The following FRMD4B variants were observed in gnomAD, a reference collection of about 807,000 sequenced individuals.
FRMD4B encodes the protein FERM domain containing 4B, also known as FERM domain-containing protein 4B.
FRMD4B carries 74 observed loss-of-function variants against 141.5 expected under a neutral mutation model. That is an observed-to-expected ratio of 0.52 (90% confidence interval 0.43 to 0.63). FRMD4B has a LOEUF of 0.63. Among genes scored for constraint, FRMD4B ranks in the 30% least tolerant of loss-of-function variants. The probability of loss-of-function intolerance (pLI) is 0.00; values close to 1 mark genes in which losing one functional copy is unlikely to be tolerated. For synonymous variants in FRMD4B, 506 were observed against 467.9 expected (o/e 1.08, Z -1.05); for missense variants, 1,366 against 1,253.4 (o/e 1.09, Z -1.36).
intron 11 of FRMD4B, among the ~76,000 whole-genome samples, chr3:69,207,035 G>A (rs2093030132): frequency 6.6e-6 from 1 of 152,136 alleles, no homozygotes; most frequent in Non-Finnish European, 1.5e-5. Context: ...AAGCACAATG[G>A]CTCACGCTTA....
intron 5 of FRMD4B, among the ~76,000 whole-genome samples, chr3:69,275,324 T>C (rs546086722): frequency 2.0e-5 from 3 of 152,306 alleles, no homozygotes; most frequent in South Asian, 2.1e-4. Context: ...CTGTTCTAGA[T>C]AAGGCAATTA....
At chr3:69,173,886 C>T (rs1033492420) in intron 22 of FRMD4B, among the ~76,000 whole-genome samples, 1 of 152,142 alleles carries the variant, frequency 6.6e-6, no homozygotes, top group Non-Finnish European at 1.5e-5. Flanking sequence ...CACCTGTAAT[C>T]CCAGCACTTT....
chr3:69,294,961 C>G (rs1320099041), intron 4 of FRMD4B, among the ~76,000 whole-genome samples: 2 of 152,200 alleles, frequency 1.3e-5, no homozygotes, highest in Non-Finnish European at 2.9e-5. Context: ...CCAAGCCAGA[C>G]AATCCCAAAT....
chr3:69,211,022 C>CAAAAAAAAAAAAAAA (rs1559720205), intron 11 of FRMD4B, among the ~76,000 whole-genome samples: 1 of 3,370 alleles, frequency 3.0e-4, no homozygotes, highest in African/African-American at 5.9e-4. Flanking sequence ...AATGCCATCT[C>CAAAAAAAAAAAAAAA]GAAAAAAAAA....
At position 69,501,042 on chromosome 3, in the gene FRMD4B, T is replaced by C. The variant is rs140280627; in HGVS notation, c.-129+41164A>G. 6.5e-3 allele frequency among the ~76,000 whole-genome samples: 984 copies of C among 152,222 alleles called. 5 individuals are homozygous for C. Among genetic ancestry groups the C allele is most frequent in the African/African-American group, 0.022 (928 of 41,534 alleles). ...TGGTGTAGTTTAAGACACAATTATATGTTTGGTGATATATCCTATCAGTAA... is the reference window on the plus strand; with the variant it reads ...TGGTGTAGTTTAAGACACAATTATACGTTTGGTGATATATCCTATCAGTAA... On this transcript the variant is annotated intron_variant, in intron 1 of 5. Transcript: ENST00000459638.
At chr3:69,499,338 A>T (rs1706455824) in intron 1 of FRMD4B, among the ~76,000 whole-genome samples, 1 of 152,194 alleles carries the variant, frequency 6.6e-6, no homozygotes, top group Admixed American at 6.5e-5. Flanking sequence ...CTGTGTGGAC[A>T]GTGGATTAGG....
intron 11 of FRMD4B, among the ~76,000 whole-genome samples, chr3:69,205,837 T>A (rs4513455): frequency 0.92 from 140,706 of 152,226 alleles, 65,977 homozygotes; most frequent in Non-Finnish European, 1. Context: ...GATGAAGGAT[T>A]TAACAATTTT....
intron 1 of FRMD4B, among the ~76,000 whole-genome samples, chr3:69,335,584 G>C (rs1702519132): frequency 6.6e-6 from 1 of 150,634 alleles, no homozygotes; most frequent in Non-Finnish European, 1.5e-5. Flanking sequence ...CCAAAGTGTT[G>C]GGATTATGGG....
chr3:69,421,990 A>G (rs1339820935), intron 2 of FRMD4B, among the ~76,000 whole-genome samples: 1 of 152,270 alleles, frequency 6.6e-6, no homozygotes, highest in Non-Finnish European at 1.5e-5. Context: ...CTTCAGTTGC[A>G]TTTAAATTGG....
intron 1 of FRMD4B, among the ~76,000 whole-genome samples, chr3:69,375,408 T>C (rs971989682): frequency 6.6e-6 from 1 of 152,206 alleles, no homozygotes; most frequent in African/African-American, 2.4e-5. Flanking sequence ...TAAATATTAA[T>C]ACATTTAACT....
chr3:69,468,233 AC>A, intron 1 of FRMD4B, among the ~76,000 whole-genome samples: 1 of 98,438 alleles, frequency 1.0e-5, no homozygotes, highest in African/African-American at 5.7e-5. Flanking sequence ...ATCCTCATGA[AC>A]TCCCAACAAT....
chr3:69,343,591 T>A (rs1575748927), intron 1 of FRMD4B, among the ~76,000 whole-genome samples: 1 of 149,026 alleles, frequency 6.7e-6, no homozygotes, highest in Non-Finnish European at 1.5e-5. Flanking sequence ...TTTTTTTTTT[T>A]TTTTTTTAGA....
At chr3:69,477,529 C>A (rs1375721584) in intron 1 of FRMD4B, among the ~76,000 whole-genome samples, 1 of 151,588 alleles carries the variant, frequency 6.6e-6, no homozygotes, top group Non-Finnish European at 1.5e-5. Context: ...TATATTGAAC[C>A]AGCCTTGCAT....
In FRMD4B at chr3:69,195,359, G is replaced by C; in HGVS notation, c.1240C>G (p.Gln414Glu). ...SNGSLISSGS[Q>E]DSEVSEEQKR... The stretch of plus-strand genomic sequence containing the variant: ...TGCTCTTCACTAACTTCTGAGTCTT[G>C]AGAACCTAGGGGATGAGGGAAGGGC... Residue 414 changes from glutamine to glutamate, a missense_variant, in exon 15 of 23, where the codon CAA becomes GAA. Coordinates refer to ENST00000398540, the MANE Select transcript of FRMD4B (RefSeq NM_015123.3). 1 of 1,609,840 alleles carries C rather than the reference G, an allele frequency of 6.2e-7. No individual in the cohort carries two copies. Among genetic ancestry groups the C allele is most frequent in the Non-Finnish European group, 8.5e-7 (1 of 1,178,596 alleles).
intron 1 of FRMD4B, among the ~76,000 whole-genome samples, chr3:69,531,353 C>T (rs1307935172): frequency 6.6e-6 from 1 of 151,928 alleles, no homozygotes; most frequent in African/African-American, 2.4e-5. Flanking sequence ...ATCATGATAA[C>T]CCCAAGTCAA....
At chr3:69,427,372 T>A (rs973093436) in intron 2 of FRMD4B, among the ~76,000 whole-genome samples, 2 of 149,522 alleles carry the variant, frequency 1.3e-5, no homozygotes, top group Non-Finnish European at 3.0e-5. Context: ...TAAGAATTCC[T>A]GCAGAAGAGA....
At chr3:69,274,123 A>C (rs146432142) in intron 5 of FRMD4B, among the ~76,000 whole-genome samples, 382 of 152,216 alleles carry the variant, frequency 2.5e-3, no homozygotes, top group African/African-American at 8.9e-3. Flanking sequence ...CCGCAGGGTG[A>C]GTGTGCAAAG....
intron 11 of FRMD4B, among the ~76,000 whole-genome samples, chr3:69,212,232 CACCTGT>C (rs1352463920): frequency 6.6e-6 from 1 of 151,026 alleles, no homozygotes; most frequent in Non-Finnish European, 1.5e-5. Context: ...TGGTGGCAGG[CACCTGT>C]AATCCCAGCT....
At chr3:69,269,457 G>A (rs1029283232) in intron 5 of FRMD4B, among the ~76,000 whole-genome samples, 1 of 149,946 alleles carries the variant, frequency 6.7e-6, no homozygotes, top group African/African-American at 2.5e-5. Flanking sequence ...CACCCAGCCT[G>A]TAGGTGATGG....
Sources: allele counts gnomAD v4.1 joint callset (sites outside exome capture counted in the v4.1 genomes callset), GRCh38; gene constraint gnomAD v4.1.1; transcripts MANE v1.5; gene names NCBI Gene and HGNC (gene_info 2026-07-23, HGNC 2026-07-21).